The following UGT2B15 variants were observed in gnomAD, a reference collection of about 807,000 sequenced individuals.
UGT2B15 encodes the protein UDP glucuronosyltransferase family 2 member B15, also known as UDP-glucuronosyltransferase 2B15.
UGT2B15 carries 36 observed loss-of-function variants against 45.9 expected under a neutral mutation model. The ratio of observed to expected loss-of-function variants is 0.78; its 90% CI spans 0.60 to 1.04. The LOEUF (loss-of-function observed/expected upper bound fraction) is 1.04. Among genes scored for constraint, UGT2B15 ranks in the 50% least tolerant of loss-of-function variants. The probability of loss-of-function intolerance (pLI) is 0.00; values close to 1 mark genes in which losing one functional copy is unlikely to be tolerated. For synonymous variants in UGT2B15, 219 were observed against 216.4 expected (o/e 1.01, Z -0.11); for missense variants, 617 against 622.4 (o/e 0.99, Z 0.09).
At chr4:68,664,236 A>C (rs1733051444) in intron 2 of UGT2B15, among the ~76,000 whole-genome samples, 1 of 149,614 alleles carries the variant, frequency 6.7e-6, no homozygotes. Context: ...TCCATTCTCT[A>C]ATGCCACATC....
At chr4:68,665,763 G>A (rs1313996595) in intron 2 of UGT2B15, among the ~76,000 whole-genome samples, 2 of 152,114 alleles carry the variant, frequency 1.3e-5, no homozygotes, top group Admixed American at 6.6e-5. Flanking sequence ...CCTTCTGCAA[G>A]TTAACAACAA....
chr4:68,652,224 T>G (rs1278847003), intron 5 of UGT2B15, among the ~76,000 whole-genome samples: 1 of 151,994 alleles, frequency 6.6e-6, no homozygotes, highest in Non-Finnish European at 1.5e-5. Flanking sequence ...TGCATATTGA[T>G]TTTTGTATCC....
chr4:68,655,759 T>C (rs1191511729), intron 3 of UGT2B15, among the ~76,000 whole-genome samples: 1 of 152,100 alleles, frequency 6.6e-6, no homozygotes, highest in Non-Finnish European at 1.5e-5. Context: ...ATCCCTAAAA[T>C]GTATAAAACC....
rs552035148 is a variant in UGT2B15 at position 68,659,698 on chromosome 4, G to T, written c.1005+3310C>A. Among the ~76,000 whole-genome samples, 12 of 151,956 alleles carry T rather than the reference G, an allele frequency of 7.9e-5. No individual in the cohort carries two copies. In the South Asian group the frequency reaches 2.5e-3, roughly 32 times the overall value. ...TGTTGTCTTACTTTGGTCCTCTTTA[G>T]AAGGCGATTTTATACTCAGCCATAA... On this transcript the variant is annotated intron_variant, in intron 3 of 5. Transcript: ENST00000338206.
rs369546461 is a variant in UGT2B15 at position 68,656,906 on chromosome 4, A to G, written c.1006-1724T>C. The stretch of plus-strand genomic sequence containing the variant: ...TACTGTGAGAGGATTTTACCTTGGC[A>G]TGTGTAATGGCAGACGAGTTACAAA... On this transcript the variant is annotated intron_variant, in intron 3 of 5. Transcript: ENST00000338206. 1.5e-3 allele frequency among the ~76,000 whole-genome samples: 219 copies of G among 150,986 alleles called. 1 individual carries two copies. The highest frequency in any genetic ancestry group is 4.8e-3 in the African/African-American group (194 of 40,624).
chr4:68,667,215 T>G (rs1359898701), intron 2 of UGT2B15, among the ~76,000 whole-genome samples: 1 of 151,714 alleles, frequency 6.6e-6, no homozygotes, highest in African/African-American at 2.4e-5. Flanking sequence ...CAGGCTAGAG[T>G]TCAGTGGTGT....
In UGT2B15 at chr4:68,647,129, T is replaced by G. The variant is rs4148269; in HGVS notation, c.1568A>C (p.Lys523Thr). The change falls in exon 6 of 6, where the codon AAA becomes ACA. Residue 523 changes from lysine (K) to threonine (T), a missense_variant. Physicochemically the swap from Lys to Thr is moderately conservative, Grantham distance 78. This residue lies in a region of UGT2B15 where 265 missense variants were observed against 245.1 expected (regional missense o/e 1.08). Coordinates refer to ENST00000338206, the MANE Select transcript of UGT2B15 (RefSeq NM_001076.4). ...CLFCFRKLAKKGKKKKRD is the reference protein window; with the variant it reads ...CLFCFRKLAKTGKKKKRD ...CTAATCTCTTTTCTTCTTCTTTCCT[T>G]TTTTGGCAAGCTTTCGGAAACAAAA... is the stretch of plus-strand genomic sequence containing the variant. 0.6 allele frequency: 969,757 copies of G among 1,613,218 alleles called. 306,390 individuals are homozygous for G. Among genetic ancestry groups the G allele is most frequent in the Non-Finnish European group, 0.65 (769,669 of 1,179,536 alleles).
Position 68,670,453 on chromosome 4 carries a change from A to G in UGT2B15, c.166T>C (p.Leu56=). 1.9e-6 allele frequency: 3 copies of G among 1,614,034 alleles called. No homozygotes were observed. Among genetic ancestry groups the G allele is most frequent in the Non-Finnish European group, 1.7e-6 (2 of 1,179,996 alleles). ...LVQRGHEVTV[L]TSSASTLVNA... ...ACAAGAGTAGAAGCCGAAGATGTCA[A>G]CACAGTCACCTCATGACCCCTCTGA... The change falls in exon 1 of 6, where the codon TTG becomes CTG. Residue 56 remains leucine (L), a synonymous_variant. Coordinates refer to ENST00000338206, the MANE Select transcript of UGT2B15 (RefSeq NM_001076.4).
chr4:68,655,803 T>C (rs1308290783), intron 3 of UGT2B15, among the ~76,000 whole-genome samples: 1 of 152,110 alleles, frequency 6.6e-6, no homozygotes, highest in Non-Finnish European at 1.5e-5. Flanking sequence ...ACACATGTCA[T>C]CAGGACCTCC....
rs913173453 is a variant in UGT2B15 at position 68,646,942 on chromosome 4, G to A, written c.*162C>T. On this transcript the variant is annotated 3_prime_UTR_variant, in exon 6 of 6. Coordinates refer to ENST00000338206, the MANE Select transcript of UGT2B15 (RefSeq NM_001076.4). ...ATTGACATAGAATAATTCAGCTAAA[G>A]TACGTATTAAATCCCTGGAAAATAA... is the stretch of plus-strand genomic sequence containing the variant. 5 of 989,392 alleles carry A rather than the reference G, an allele frequency of 5.1e-6. No homozygotes were observed. In the African/African-American group the frequency reaches 6.5e-5, roughly 13 times the overall value. The allele number at this position is 989,392 out of a possible 1,614,324, so 61.3% of individuals were successfully genotyped here. A position where few individuals can be genotyped will look rare whatever the true frequency, so the allele number is the denominator to read the frequency against.
chr4:68,654,703 A>G (rs1477174204), intron 4 of UGT2B15, among the ~76,000 whole-genome samples: 1 of 152,042 alleles, frequency 6.6e-6, no homozygotes, highest in Non-Finnish European at 1.5e-5. Context: ...TTCCCATAAA[A>G]AGTAGAGTCA....
chr4:68,665,918 G>T (rs1280507840), intron 2 of UGT2B15, among the ~76,000 whole-genome samples: 1 of 152,002 alleles, frequency 6.6e-6, no homozygotes, highest in Non-Finnish European at 1.5e-5. Flanking sequence ...GTGTTGGCAG[G>T]TGCCTGTAAT....
intron 2 of UGT2B15, among the ~76,000 whole-genome samples, chr4:68,664,869 T>A (rs1378128759): frequency 1.3e-5 from 2 of 152,062 alleles, no homozygotes; most frequent in Non-Finnish European, 2.9e-5. Context: ...TGGCCTGACA[T>A]CAGTTTTAAT....
chr4:68,669,522 T>G (rs1733237907), intron 1 of UGT2B15, among the ~76,000 whole-genome samples: 1 of 152,188 alleles, frequency 6.6e-6, no homozygotes, highest in Non-Finnish European at 1.5e-5. Context: ...ATAATTTTTC[T>G]AGAAATATGT....
At chr4:68,663,931 G>A (rs1733041227) in intron 2 of UGT2B15, among the ~76,000 whole-genome samples, 1 of 151,908 alleles carries the variant, frequency 6.6e-6, no homozygotes, top group Non-Finnish European at 1.5e-5. Flanking sequence ...TATTTCTCAG[G>A]TCATTGCTTA....
chr4:68,670,584 A>G lies in UGT2B15; in HGVS notation c.35T>C (p.Ile12Thr). The G allele has an allele frequency of 6.3e-7, 1 of 1,591,566 alleles. No homozygotes were observed. Among genetic ancestry groups the G allele is most frequent in the Admixed American group, 1.9e-5 (1 of 51,942 alleles). Reference protein sequence around the residue: ...SLKWTSVFLLIQLSCYFSSGS... With the variant: ...SLKWTSVFLLTQLSCYFSSGS... ...AGAGCTAAAGTAACAACTGAGCTGT[A>G]TCAGCAGAAAGACTGACGTCCATTT... Residue 12 changes from isoleucine to threonine, a missense_variant, in exon 1 of 6, where the codon ATA becomes ACA. This residue lies in a region of UGT2B15 where 351 missense variants were observed against 342.1 expected (regional missense o/e 1.03). Transcript: ENST00000338206.
intron 5 of UGT2B15, among the ~76,000 whole-genome samples, chr4:68,647,786 G>A (rs1016159735): frequency 3.3e-5 from 5 of 151,894 alleles, no homozygotes; most frequent in Admixed American, 2.0e-4. Context: ...CATGATCATG[G>A]CTCAGTTCAG....
chr4:68,658,942 A>G (rs1226731716), intron 3 of UGT2B15, among the ~76,000 whole-genome samples: 1 of 152,074 alleles, frequency 6.6e-6, no homozygotes, highest in East Asian at 1.9e-4. Flanking sequence ...TAGTTTATTT[A>G]CAAATTAATC....
At chr4:68,658,597 T>G (rs1452105148) in intron 3 of UGT2B15, among the ~76,000 whole-genome samples, 1 of 152,056 alleles carries the variant, frequency 6.6e-6, no homozygotes, top group Non-Finnish European at 1.5e-5. Flanking sequence ...GACATTGATA[T>G]TGGTTTAATG....
Sources: gnomAD v4.1 joint callset for allele counts (sites outside exome capture counted in the v4.1 genomes callset) on GRCh38, gnomAD v4.1.1 for gene constraint, gnomAD v4.1.1 regional missense constraint, MANE v1.5 for transcripts, NCBI Gene and HGNC (gene_info 2026-07-23, HGNC 2026-07-21) for gene names.